XKR4: variants seen among roughly 807,000 people sequenced by gnomAD.
XKR4 encodes the protein XK related 4, also known as XK-related protein 4.
XKR4 carries 12 observed loss-of-function variants against 53.9 expected under a neutral mutation model. The ratio of observed to expected loss-of-function variants is 0.22; its 90% confidence interval spans 0.14 to 0.36. XKR4 has a LOEUF of 0.36. Ranked by LOEUF, XKR4 falls within the 10% of genes least tolerant of loss-of-function variation. The pLI is 1.00. For missense variants in XKR4, 799 were observed against 859.5 expected, an observed-to-expected ratio of 0.93 and a Z score of 0.88; for synonymous variants, 354 against 362.4, an observed-to-expected ratio of 0.98 and a Z score of 0.26.
chr8:55,188,274 G>A (rs932836875), intron 1 of XKR4, among the ~76,000 whole-genome samples: 3 of 152,226 alleles, frequency 2.0e-5, no homozygotes, highest in African/African-American at 4.8e-5. Flanking sequence ...ACTCTTCTAA[G>A]TCTTAACCAT....
chr8:55,230,148 A>G (rs904055665), intron 1 of XKR4, among the ~76,000 whole-genome samples: 4 of 152,188 alleles, frequency 2.6e-5, no homozygotes, highest in Admixed American at 6.5e-5. Context: ...TTCTCTGTTC[A>G]TGTTACTCCC....
At chr8:55,179,741 A>G (rs1817282463) in intron 1 of XKR4, among the ~76,000 whole-genome samples, 1 of 152,240 alleles carries the variant, frequency 6.6e-6, no homozygotes, top group South Asian at 2.1e-4. Flanking sequence ...CAGCAATAGT[A>G]CAGAATGGAT....
intron 1 of XKR4, among the ~76,000 whole-genome samples, chr8:55,315,759 C>G (rs1372118304): frequency 6.6e-6 from 1 of 152,174 alleles, no homozygotes; most frequent in Non-Finnish European, 1.5e-5. Flanking sequence ...TGTGTTTAAT[C>G]AATGTTCTGT....
At chr8:55,454,992 C>T (rs1273552266) in intron 2 of XKR4, 7 of 850,836 alleles carry the variant, frequency 8.2e-6, no homozygotes, top group Non-Finnish European at 1.4e-5. Flanking sequence ...ATCTGCCACC[C>T]GCTGGACTGG....
At chr8:55,300,569 T>C (rs986491293) in intron 1 of XKR4, among the ~76,000 whole-genome samples, 1 of 151,810 alleles carries the variant, frequency 6.6e-6, no homozygotes, top group Non-Finnish European at 1.5e-5. Flanking sequence ...GGTCGTGGAA[T>C]AGAAAGTGAG....
At chr8:55,166,208 A>G (rs1423086958) in intron 1 of XKR4, among the ~76,000 whole-genome samples, 4 of 152,214 alleles carry the variant, frequency 2.6e-5, no homozygotes, top group African/African-American at 2.4e-5. Context: ...AACTGTATCT[A>G]TTATATTTGG....
At chr8:55,456,829 TA>T (rs1027252059) in intron 2 of XKR4, among the ~76,000 whole-genome samples, 7 of 151,502 alleles carry the variant, frequency 4.6e-5, no homozygotes, top group Non-Finnish European at 1.0e-4. Flanking sequence ...GTCTCAGAAG[TA>T]AAAAAGAGAA....
intron 1 of XKR4, among the ~76,000 whole-genome samples, chr8:55,277,763 G>A (rs1238882368): frequency 6.6e-6 from 1 of 152,132 alleles, no homozygotes; most frequent in Non-Finnish European, 1.5e-5. Context: ...TGTGGAATAA[G>A]ACTACAGAGG....
At chr8:55,314,932 T>G (rs1441064008) in intron 1 of XKR4, among the ~76,000 whole-genome samples, 1 of 152,222 alleles carries the variant, frequency 6.6e-6, no homozygotes, top group Non-Finnish European at 1.5e-5. Flanking sequence ...CCAGAGGGAC[T>G]GTGTTGGAGC....
In XKR4 at chr8:55,358,947, G is replaced by T. The variant is rs533651127; in HGVS notation, c.1006+1070G>T. Among the ~76,000 whole-genome samples the T allele has an allele frequency of 3.3e-5, 5 of 152,306 alleles. No individual in the cohort carries two copies. In the East Asian group the frequency reaches 9.7e-4, roughly 29 times the overall value. On this transcript the variant is annotated intron_variant, in intron 2 of 2. Transcript: ENST00000327381. ...TTAATTTGGGGGACAGAATCAGGGT[G>T]CATGTTACCTGTATAGGAAAAGGAA...
intron 1 of XKR4, among the ~76,000 whole-genome samples, chr8:55,212,645 A>G (rs538642587): frequency 1.3e-5 from 2 of 152,348 alleles, no homozygotes; most frequent in East Asian, 3.9e-4. Flanking sequence ...CTGGTTGGGA[A>G]GCTTAGAATT....
At chr8:55,132,669 T>A (rs1246350283) in intron 1 of XKR4, among the ~76,000 whole-genome samples, 1 of 152,108 alleles carries the variant, frequency 6.6e-6, no homozygotes, top group Non-Finnish European at 1.5e-5. Flanking sequence ...TGTCAGAAAT[T>A]GAGCTCGTCA....
chr8:55,187,198 T>C (rs1817389907), intron 1 of XKR4, among the ~76,000 whole-genome samples: 1 of 151,108 alleles, frequency 6.6e-6, no homozygotes, highest in East Asian at 1.9e-4. Flanking sequence ...TCACTTGCTG[T>C]AGTGTTTCTG....
intron 1 of XKR4, among the ~76,000 whole-genome samples, chr8:55,242,698 G>T (rs934683590): frequency 6.6e-6 from 1 of 152,122 alleles, no homozygotes; most frequent in Admixed American, 6.5e-5. Flanking sequence ...CCCCACAGCG[G>T]GATGTTGAGT....
chr8:55,480,354 C>T (rs957004841), intron 2 of XKR4, among the ~76,000 whole-genome samples: 32 of 152,178 alleles, frequency 2.1e-4, no homozygotes, highest in South Asian at 4.1e-4. Flanking sequence ...TTCAATAACG[C>T]TTCATGCTAA....
chr8:55,142,154 G>C (rs1816715010), intron 1 of XKR4: 1 of 455,960 alleles, frequency 2.2e-6, no homozygotes, highest in Non-Finnish European at 4.4e-6. Flanking sequence ...GAGCCCACTG[G>C]CCTCACTGCT....
chr8:55,208,579 G>C (rs911496439), intron 1 of XKR4, among the ~76,000 whole-genome samples: 3 of 151,720 alleles, frequency 2.0e-5, no homozygotes, highest in Non-Finnish European at 4.4e-5. Context: ...TGATTCTCCT[G>C]CCTCAGCCTC....
intron 2 of XKR4, among the ~76,000 whole-genome samples, chr8:55,462,852 C>A (rs375239314): frequency 3.9e-4 from 60 of 152,108 alleles, no homozygotes; most frequent in African/African-American, 1.4e-3. Context: ...AGACTTTAAA[C>A]CAACAAAGAT....
chr8:55,344,057 T>C (rs1803596925), intron 1 of XKR4, among the ~76,000 whole-genome samples: 1 of 152,266 alleles, frequency 6.6e-6, no homozygotes, highest in African/African-American at 2.4e-5. Flanking sequence ...ATCCCTGTGA[T>C]GTGCACTGCT....
Sources: gnomAD v4.1 joint callset for allele counts (sites outside exome capture counted in the v4.1 genomes callset) on GRCh38, gnomAD v4.1.1 for gene constraint, MANE v1.5 for transcripts, NCBI Gene and HGNC (gene_info 2026-07-23, HGNC 2026-07-21) for gene names.